The following ELMOD1 variants were observed in gnomAD, a reference collection of about 807,000 sequenced individuals.
The protein encoded by ELMOD1 is ELMO domain containing 1.
A neutral mutation model predicts 46.7 loss-of-function variants in ELMOD1; 21 were observed. That is an observed-to-expected ratio of 0.45 (90% confidence interval 0.32 to 0.65). ELMOD1 has a LOEUF of 0.65. Ranked by LOEUF, ELMOD1 falls within the 30% of genes least tolerant of loss-of-function variation. ELMOD1 has a pLI of 0.04. For missense variants in ELMOD1, 348 were observed against 407.8 expected, an observed-to-expected ratio of 0.85 and a Z score of 1.26; for synonymous variants, 122 against 138.2, an observed-to-expected ratio of 0.88 and a Z score of 0.82.
At chr11:107,600,439 G>A (rs573302915) in intron 1 of ELMOD1, 4 of 152,146 alleles carry the variant, frequency 2.6e-5, no homozygotes, top group South Asian at 4.2e-4. Context: ...ATGCTAACAC[G>A]TCATATCACA....
chr11:107,628,919 T>C, intron 2 of ELMOD1, among the ~76,000 whole-genome samples: 1 of 152,316 alleles, frequency 6.6e-6, no homozygotes, highest in East Asian at 1.9e-4. Context: ...ATTTTTGTTT[T>C]ATTTTTTAAA....
At chr11:107,628,535 G>A (rs1295514243) in intron 2 of ELMOD1, among the ~76,000 whole-genome samples, 1 of 151,012 alleles carries the variant, frequency 6.6e-6, no homozygotes, top group Non-Finnish European at 1.5e-5. Flanking sequence ...GGGCTACTGG[G>A]TTTTGTTGTT....
At chr11:107,639,302 T>A (rs932544514) in intron 6 of ELMOD1, among the ~76,000 whole-genome samples, 1 of 152,174 alleles carries the variant, frequency 6.6e-6, no homozygotes, top group Non-Finnish European at 1.5e-5. Context: ...TTACTAGAGT[T>A]CTGAAGTATT....
At chr11:107,610,315 A>C (rs1469165448) in intron 1 of ELMOD1, among the ~76,000 whole-genome samples, 1 of 152,178 alleles carries the variant, frequency 6.6e-6, no homozygotes. Context: ...TATGAACAAA[A>C]AGGGTGAATT....
intron 1 of ELMOD1, chr11:107,591,876 C>T (rs1374427206): frequency 2.1e-6 from 1 of 485,830 alleles, no homozygotes; most frequent in Admixed American, 2.3e-5. Context: ...GCTGCGGGGC[C>T]GCCGGACTGT....
intron 2 of ELMOD1, among the ~76,000 whole-genome samples, chr11:107,622,207 A>G (rs1156747725): frequency 6.6e-6 from 1 of 152,234 alleles, no homozygotes; most frequent in Non-Finnish European, 1.5e-5. Flanking sequence ...GAAAGGAAGG[A>G]CTAGGATTTT....
At chr11:107,592,660 G>T (rs917774839) in intron 1 of ELMOD1, 2 of 222,332 alleles carry the variant, frequency 9.0e-6, no homozygotes, top group Non-Finnish European at 1.9e-5. Context: ...ACATTGGGAG[G>T]TATTTCTCTC....
At chr11:107,643,369 A>AG in intron 6 of ELMOD1, 2 of 64,822 alleles carry the variant, frequency 3.1e-5, no homozygotes, top group South Asian at 4.0e-4. Flanking sequence ...TCCATCTAGG[A>AG]AAAAAAAAAA....
intron 1 of ELMOD1, among the ~76,000 whole-genome samples, chr11:107,615,484 C>T (rs1445226790): frequency 1.3e-5 from 2 of 151,972 alleles, no homozygotes; most frequent in Non-Finnish European, 2.9e-5. Flanking sequence ...CCACCCACCT[C>T]GGCCTCCCAA....
chr11:107,611,704 C>CAAAAAA (rs71470853), intron 1 of ELMOD1, among the ~76,000 whole-genome samples: 5 of 55,794 alleles, frequency 9.0e-5, no homozygotes, highest in South Asian at 8.3e-4. Context: ...GACTCCATCT[C>CAAAAAA]AAAAAAAAAA....
chr11:107,650,454 G>T, intron 8 of ELMOD1, 51 bp downstream of exon 8: 1 of 1,239,166 alleles, frequency 8.1e-7, no homozygotes, highest in South Asian at 1.3e-5. Context: ...TAGATCAAAT[G>T]AACTTCATCT....
At chr11:107,630,273 C>A in intron 2 of ELMOD1, 144 bp from the exon 3 acceptor site, 1 of 643,154 alleles carries the variant, frequency 1.6e-6, no homozygotes, top group African/African-American at 1.9e-5. Flanking sequence ...AATAAAGTAG[C>A]ATGGGACTAG....
chr11:107,624,284 G>A (rs1866004133), intron 2 of ELMOD1, among the ~76,000 whole-genome samples: 1 of 152,158 alleles, frequency 6.6e-6, no homozygotes, highest in Non-Finnish European at 1.5e-5. Flanking sequence ...GTTATAATGT[G>A]TTCATTGTTT....
intron 11 of ELMOD1, among the ~76,000 whole-genome samples, chr11:107,662,824 G>T (rs1296580161): frequency 2.0e-5 from 3 of 152,034 alleles, no homozygotes; most frequent in African/African-American, 4.8e-5. Flanking sequence ...CCTGGGAGGT[G>T]GAGGCTGCAG....
chr11:107,605,822 A>C (rs1406276374), intron 1 of ELMOD1, among the ~76,000 whole-genome samples: 4 of 152,176 alleles, frequency 2.6e-5, no homozygotes, highest in Non-Finnish European at 5.9e-5. Flanking sequence ...CCTCAGGGAG[A>C]TCTTTATGCA....
At position 107,614,962 on chromosome 11, in the gene ELMOD1, C is replaced by A. The variant is rs116036707; in HGVS notation, c.-85-3143C>A. ...ATCTCTCCTACTCACTGCCACAGCA[C>A]CTATTTCCACTTGTAATACTGTATT... On this transcript the variant is annotated intron_variant, in intron 1 of 11. Transcript: ENST00000265840. Among the ~76,000 whole-genome samples the A allele has an allele frequency of 3.4e-3, 518 of 152,206 alleles. 4 individuals are homozygous for A. The highest frequency in any genetic ancestry group is 0.011 in the African/African-American group (470 of 41,540).
At chr11:107,663,663 G>A (rs1164021356) in intron 11 of ELMOD1, among the ~76,000 whole-genome samples, 4 of 152,138 alleles carry the variant, frequency 2.6e-5, no homozygotes, top group African/African-American at 9.7e-5. Flanking sequence ...TGTGTTGGGG[G>A]CAGTGAAGGT....
intron 2 of ELMOD1, chr11:107,620,185 A>T (rs1209409332): frequency 6.6e-6 from 1 of 152,210 alleles, no homozygotes; most frequent in Non-Finnish European, 1.5e-5. Context: ...TTCACTGGGA[A>T]GAATTCAGCA....
chr11:107,611,956 T>A (rs1450625213), intron 1 of ELMOD1, among the ~76,000 whole-genome samples: 2 of 152,130 alleles, frequency 1.3e-5, no homozygotes, highest in African/African-American at 4.8e-5. Context: ...GGAAAGCAGT[T>A]TGGCAATATC....
Sources: allele counts gnomAD v4.1 joint callset (sites outside exome capture counted in the v4.1 genomes callset), GRCh38; gene constraint gnomAD v4.1.1; transcripts MANE v1.5; gene names NCBI Gene and HGNC (gene_info 2026-07-23, HGNC 2026-07-21).